The following FNDC3B variants were observed in gnomAD, a reference collection of about 807,000 sequenced individuals.
FNDC3B encodes the protein fibronectin type III domain-containing protein 3B.
Under a neutral mutation model 151.5 loss-of-function variants are expected in FNDC3B, and 12 were observed. The ratio of observed to expected loss-of-function variants is 0.08; its 90% CI spans 0.05 to 0.13. The LOEUF is 0.13. Among genes scored for constraint, FNDC3B ranks in the 10% least tolerant of loss-of-function variants. The pLI, the probability that FNDC3B is intolerant of heterozygous loss-of-function variation, is 1.00. For missense variants in FNDC3B, 1,214 were observed against 1,505.3 expected (o/e 0.81, Z 3.20); for synonymous variants, 528 against 549.0 (o/e 0.96, Z 0.54).
chr3:172,305,979 GT>G (rs542632095), intron 9 of FNDC3B, among the ~76,000 whole-genome samples: 9 of 152,128 alleles, frequency 5.9e-5, no homozygotes, highest in Non-Finnish European at 1.0e-4. Context: ...AGCATTATTT[GT>G]TTGGATCAAA....
rs775169168 is a variant in FNDC3B, at chr3:172,343,058, A to T, written c.2019A>T (p.Gln673His). The T allele has an allele frequency of 1.2e-6, 2 of 1,613,596 alleles. No homozygotes were observed. Among genetic ancestry groups the T allele is most frequent in the South Asian group, 1.1e-5 (1 of 91,070 alleles). The change falls in exon 18 of 26, where the codon CAA becomes CAT. Residue 673 changes from glutamine to histidine, a missense_variant. Transcript: ENST00000415807. The part of the protein sequence containing the change: ...PVRTLSIAPG[Q>H]CRPPRVLGRP... ...GCACACTAAGCATTGCACCAGGTCA[A>T]TGTCGACCACCGAGGGTTTTGGGTA...
intron 6 of FNDC3B, among the ~76,000 whole-genome samples, chr3:172,277,176 T>A (rs73029397): frequency 1.3e-5 from 2 of 152,206 alleles, no homozygotes. Flanking sequence ...AATGTGAGCA[T>A]GCAAATGTAG....
At chr3:172,173,642 A>C (rs1290217117) in intron 3 of FNDC3B, among the ~76,000 whole-genome samples, 1 of 151,562 alleles carries the variant, frequency 6.6e-6, no homozygotes, top group South Asian at 2.1e-4. Context: ...AAAAAAAAAA[A>C]AAAATTAAAA....
At chr3:172,388,437 T>C (rs1735838137) in intron 25 of FNDC3B, among the ~76,000 whole-genome samples, 1 of 152,210 alleles carries the variant, frequency 6.6e-6, no homozygotes, top group Non-Finnish European at 1.5e-5. Flanking sequence ...TCTATACTTA[T>C]TACAATATTA....
intron 19 of FNDC3B, 100 bp downstream of exon 19, chr3:172,344,358 C>A: frequency 2.9e-6 from 3 of 1,021,500 alleles, no homozygotes; most frequent in Non-Finnish European, 4.3e-6. Flanking sequence ...TTTTGACAGT[C>A]TTGATGCAAC....
At chr3:172,160,704 A>G (rs1722726349) in intron 3 of FNDC3B, among the ~76,000 whole-genome samples, 1 of 152,258 alleles carries the variant, frequency 6.6e-6, no homozygotes, top group South Asian at 2.1e-4. Flanking sequence ...AAAGAATAGA[A>G]TTAAACTTTT....
intron 1 of FNDC3B, among the ~76,000 whole-genome samples, chr3:172,070,884 T>C (rs1407464551): frequency 6.6e-6 from 1 of 152,194 alleles, no homozygotes; most frequent in Admixed American, 6.5e-5. Context: ...AGTATTTTTT[T>C]CAGATAAGTT....
At chr3:172,229,138 A>G (rs914492593) in intron 4 of FNDC3B, among the ~76,000 whole-genome samples, 4 of 88,126 alleles carry the variant, frequency 4.5e-5, no homozygotes, top group East Asian at 5.9e-4. Context: ...CACACACACA[A>G]TCTCCTGCAG....
chr3:172,349,365 A>AATTTTTGT (rs1328099745), intron 21 of FNDC3B, among the ~76,000 whole-genome samples: 1 of 152,224 alleles, frequency 6.6e-6, no homozygotes, highest in East Asian at 1.9e-4. Flanking sequence ...GGAATTTTTG[A>AATTTTTGT]ATTTTTGTAT....
intron 6 of FNDC3B, among the ~76,000 whole-genome samples, chr3:172,262,058 A>G (rs753052291): frequency 1.3e-5 from 2 of 152,224 alleles, no homozygotes; most frequent in Non-Finnish European, 2.9e-5. Flanking sequence ...CTTCAGAGGA[A>G]TGGCACATTG....
At chr3:172,052,083 T>G (rs1461225453) in intron 1 of FNDC3B, among the ~76,000 whole-genome samples, 1 of 151,406 alleles carries the variant, frequency 6.6e-6, no homozygotes, top group African/African-American at 2.4e-5. Flanking sequence ...TTTGTCTGTC[T>G]TCTTCTTTTT....
chr3:172,090,487 CAG>C (rs761752156), intron 1 of FNDC3B, among the ~76,000 whole-genome samples: 18 of 152,102 alleles, frequency 1.2e-4, no homozygotes, highest in Non-Finnish European at 2.5e-4. Flanking sequence ...CTTAGGAACA[CAG>C]AAATAGTTCT....
intron 1 of FNDC3B, among the ~76,000 whole-genome samples, chr3:172,096,492 C>T (rs1719098183): frequency 6.6e-6 from 1 of 152,272 alleles, no homozygotes; most frequent in Middle Eastern, 3.4e-3. Flanking sequence ...ATCTGTTTTT[C>T]TGGTTTATTG....
intron 10 of FNDC3B, among the ~76,000 whole-genome samples, chr3:172,309,850 T>C (rs1203146101): frequency 6.6e-6 from 1 of 152,208 alleles, no homozygotes; most frequent in African/African-American, 2.4e-5. Context: ...TAGTTGTTGA[T>C]ATTGATATTA....
intron 10 of FNDC3B, among the ~76,000 whole-genome samples, chr3:172,308,350 A>G (rs1731298246): frequency 6.6e-6 from 1 of 152,242 alleles, no homozygotes; most frequent in South Asian, 2.1e-4. Context: ...GATTGTTATC[A>G]ATCTCTATAG....
At chr3:172,254,701 C>A (rs1728245425) in intron 6 of FNDC3B, among the ~76,000 whole-genome samples, 1 of 152,170 alleles carries the variant, frequency 6.6e-6, no homozygotes, top group Non-Finnish European at 1.5e-5. Context: ...CTTTCATTTA[C>A]TGTTACCTTC....
At chr3:172,322,685 G>A (rs761372091) in intron 11 of FNDC3B, among the ~76,000 whole-genome samples, 7 of 152,198 alleles carry the variant, frequency 4.6e-5, no homozygotes, top group South Asian at 4.2e-4. Flanking sequence ...AAAGTACAAC[G>A]TAACTCTTTT....
intron 3 of FNDC3B, among the ~76,000 whole-genome samples, chr3:172,146,944 A>C (rs889875282): frequency 4.6e-5 from 7 of 152,200 alleles, no homozygotes; most frequent in African/African-American, 1.7e-4. Context: ...TTCAAAGTTC[A>C]CCTATGTTTA....
At chr3:172,355,059 C>T (rs1734029857) in intron 22 of FNDC3B, among the ~76,000 whole-genome samples, 1 of 152,104 alleles carries the variant, frequency 6.6e-6, no homozygotes, top group Non-Finnish European at 1.5e-5. Context: ...CTTGCTGACA[C>T]ACTCTGTAGA....
Sources: gnomAD v4.1 joint callset for allele counts (sites outside exome capture counted in the v4.1 genomes callset) on GRCh38, gnomAD v4.1.1 for gene constraint, MANE v1.5 for transcripts, NCBI Gene and HGNC (gene_info 2026-07-23, HGNC 2026-07-21) for gene names.